The following EZH2 variants were observed in gnomAD, a reference collection of about 807,000 sequenced individuals.
EZH2 encodes the protein histone-lysine N-methyltransferase EZH2.
In EZH2, 18 loss-of-function variants were observed where a neutral mutation model predicts 98.4. The observed-to-expected ratio is 0.18, with a 90% CI of 0.13 to 0.27. The LOEUF (loss-of-function observed/expected upper bound fraction) is 0.27, where lower values mean the gene tolerates loss of function less well. Ranked by LOEUF, EZH2 falls within the 10% of genes least tolerant of loss-of-function variation. EZH2 has a pLI of 1.00. For synonymous variants in EZH2, 338 were observed against 312.3 expected (o/e 1.08, Z -0.87); for missense variants, 470 against 935.1 (o/e 0.50, Z 6.49).
intron 1 of EZH2, among the ~76,000 whole-genome samples, chr7:148,881,142 A>G (rs1164400104): frequency 6.6e-6 from 1 of 152,260 alleles, no homozygotes; most frequent in Non-Finnish European, 1.5e-5. Flanking sequence ...TGATATAAAG[A>G]CTTCAAGGCT....
chr7:148,823,642 C>T (rs990390239), intron 8 of EZH2, among the ~76,000 whole-genome samples: 46 of 150,522 alleles, frequency 3.1e-4, no homozygotes, highest in Non-Finnish European at 5.8e-4. Context: ...TTATTGTACA[C>T]ATTTTCATAC....
chr7:148,828,901 G>C, intron 5 of EZH2, 21 bp from the exon 6 acceptor site: 1 of 1,586,118 alleles, frequency 6.3e-7, no homozygotes. Context: ...TCAAATGTCA[G>C]AAACACACAG....
chr7:148,827,048 A>G, intron 7 of EZH2, 116 bp downstream of exon 7: 1 of 725,128 alleles, frequency 1.4e-6, no homozygotes, highest in Non-Finnish European at 2.3e-6. Flanking sequence ...TATCTTGCAA[A>G]CACTGTAAAC....
intron 1 of EZH2, among the ~76,000 whole-genome samples, chr7:148,869,338 CTTTTT>C (rs143589780): frequency 1.2e-4 from 10 of 80,280 alleles, no homozygotes; most frequent in Non-Finnish European, 1.6e-4. Flanking sequence ...CAGCAATAGC[CTTTTT>C]TTTTTTTTTT....
At chr7:148,838,209 C>G (rs142244610) in intron 3 of EZH2, among the ~76,000 whole-genome samples, 202 of 151,974 alleles carry the variant, frequency 1.3e-3, no homozygotes, top group African/African-American at 4.7e-3. Flanking sequence ...GCTGGGACTA[C>G]AAGTACGTGT....
chr7:148,848,349 G>A (rs1563027887), intron 1 of EZH2, among the ~76,000 whole-genome samples: 2 of 152,204 alleles, frequency 1.3e-5, no homozygotes, highest in Non-Finnish European at 2.9e-5. Context: ...CGATGACAGG[G>A]AAAAGTACGT....
intron 10 of EZH2, chr7:148,817,618 C>T (rs559188932): frequency 2.0e-5 from 13 of 664,014 alleles, no homozygotes; most frequent in Middle Eastern, 4.1e-4. Flanking sequence ...TGAGAAAGAT[C>T]GAAAAAAGAA....
At position 148,810,382 on chromosome 7, in the gene EZH2, C is replaced by G. The variant is rs1425191854; in HGVS notation, c.1980G>C (p.Gly660=). 6.2e-7 allele frequency: 1 copy of G among 1,611,034 alleles called. No individual in the cohort carries two copies. Among genetic ancestry groups the G allele is most frequent in the Admixed American group, 1.7e-5 (1 of 60,000 alleles). Residue 660 remains glycine, a synonymous_variant, in exon 17 of 20, where the codon GGG becomes GGC. Transcript: ENST00000320356. ...TGCACATGTATTTATCATACACTTT[C>G]CCTCTTCTGTCAGCTTCATCTTGAG... ...IISQDEADRR[G]KVYDKYMCSF... is the part of the protein sequence containing the mutation.
chr7:148,832,101 G>T (rs567896494), intron 4 of EZH2, among the ~76,000 whole-genome samples: 2 of 151,986 alleles, frequency 1.3e-5, no homozygotes, highest in Admixed American at 6.6e-5. Context: ...CATTCCTTTT[G>T]TTTTTTTCAG....
intron 1 of EZH2, among the ~76,000 whole-genome samples, chr7:148,868,972 T>C (rs1014810431): frequency 6.6e-6 from 1 of 152,214 alleles, no homozygotes; most frequent in Admixed American, 6.5e-5. Flanking sequence ...GTAAATTCTA[T>C]AAGAAAAATT....
intron 3 of EZH2, among the ~76,000 whole-genome samples, chr7:148,839,064 G>GGAAGGAAGGAAA (rs1811672057): frequency 7.7e-6 from 1 of 130,214 alleles, no homozygotes; most frequent in Admixed American, 7.4e-5. Context: ...AAGGAAGGAA[G>GGAAGGAAGGAAA]GAAGGAAGGA....
At chr7:148,832,568 TTATC>T in intron 4 of EZH2, 62 bp downstream of exon 4, 1 of 868,086 alleles carries the variant, frequency 1.2e-6, no homozygotes, top group South Asian at 1.8e-5. Flanking sequence ...GACAATAAAA[TTATC>T]TATGCTTTTT....
intron 8 of EZH2, among the ~76,000 whole-genome samples, chr7:148,825,787 G>A (rs904261495): frequency 6.6e-6 from 1 of 152,150 alleles, no homozygotes; most frequent in Admixed American, 6.5e-5. Flanking sequence ...ACTACTCTAG[G>A]AAAATTAGGA....
chr7:148,851,387 G>A (rs924673568), intron 1 of EZH2, among the ~76,000 whole-genome samples: 4 of 152,138 alleles, frequency 2.6e-5, no homozygotes, highest in Admixed American at 1.3e-4. Context: ...CTACCTCAAA[G>A]TCTGGCAACA....
Position 148,846,685 on chromosome 7 carries a change from G to A in EZH2, c.118-87C>T, listed in dbSNP as rs186449262. The A allele has an allele frequency of 1.4e-5, 16 of 1,172,798 alleles. No individual in the cohort carries two copies. The Admixed American group carries it at 3.4e-4, about 25-fold the overall frequency. 72.6% of individuals were successfully genotyped at this position (1,172,798 alleles called of 1,614,324 possible). On this transcript the variant is annotated intron_variant, in intron 2 of 19. Coordinates refer to ENST00000320356, the MANE Select transcript of EZH2 (RefSeq NM_004456.5). Reference sequence around the variant, plus strand: ...ACCTGTAAAGCAGGTTAAAAATCTAGTGTATCCTCAAAAATATCAAGAACA... The same window carrying A: ...ACCTGTAAAGCAGGTTAAAAATCTAATGTATCCTCAAAAATATCAAGAACA...
At chr7:148,842,138 C>T (rs960928091) in intron 3 of EZH2, among the ~76,000 whole-genome samples, 1 of 152,112 alleles carries the variant, frequency 6.6e-6, no homozygotes, top group African/African-American at 2.4e-5. Flanking sequence ...ATTATATTCT[C>T]CTGGGAATCT....
chr7:148,862,165 C>A (rs1291340469), intron 1 of EZH2, among the ~76,000 whole-genome samples: 2 of 152,172 alleles, frequency 1.3e-5, no homozygotes, highest in African/African-American at 4.8e-5. Flanking sequence ...AGATTAGATG[C>A]AACATGGAAT....
chr7:148,838,472 C>T (rs1486016955), intron 3 of EZH2, among the ~76,000 whole-genome samples: 1 of 152,096 alleles, frequency 6.6e-6, no homozygotes, highest in Non-Finnish European at 1.5e-5. Context: ...TACTGGAGAT[C>T]AGAAACAGAA....
At position 148,828,770 on chromosome 7, in the gene EZH2, T is replaced by C. The variant is rs1808475632; in HGVS notation, c.595A>G (p.Lys199Glu). The part of the protein sequence containing the change: ...DGDDPEEREE[K>E]QKDLEDHRDD... The stretch of plus-strand genomic sequence containing the variant: ...CGGTGATCCTCCAGATCTTTCTGCT[T>C]TTCTTCTCTTTCTTCAGGATCGTCT... Residue 199 changes from lysine (K) to glutamate (E), a missense_variant, in exon 6 of 20, where the codon AAG becomes GAG. Coordinates refer to ENST00000320356, the MANE Select transcript of EZH2 (RefSeq NM_004456.5). 1 of 1,613,710 alleles carries C rather than the reference T, an allele frequency of 6.2e-7. No homozygotes were observed. The highest frequency in any genetic ancestry group is 1.3e-5 in the African/African-American group (1 of 74,884).
Sources: allele counts gnomAD v4.1 joint callset (sites outside exome capture counted in the v4.1 genomes callset), GRCh38; gene constraint gnomAD v4.1.1; transcripts MANE v1.5; gene names NCBI Gene and HGNC (gene_info 2026-07-23, HGNC 2026-07-21).